Variants in BTBD9 observed in about 807,000 individuals in gnomAD.
BTBD9 encodes BTB domain containing 9.
In BTBD9, 49 loss-of-function variants were observed where a neutral mutation model predicts 64.3. The observed-to-expected ratio is 0.76, with a 90% CI of 0.61 to 0.97. BTBD9 has a LOEUF of 0.97. Among genes scored for constraint, BTBD9 ranks in the 50% least tolerant of loss-of-function variants. The probability of loss-of-function intolerance (pLI) is 0.00; values close to 1 mark genes in which losing one functional copy is unlikely to be tolerated. For missense variants in BTBD9, 598 were observed against 762.1 expected (o/e 0.78, Z 2.53); for synonymous variants, 260 against 274.7 (o/e 0.95, Z 0.53).
chr6:38,478,646 G>A (rs559093016), intron 6 of BTBD9, among the ~76,000 whole-genome samples: 2 of 152,274 alleles, frequency 1.3e-5, no homozygotes, highest in South Asian at 4.1e-4. Context: ...GTGGGTTCTT[G>A]GCTTCCGGAA....
At chr6:38,507,225 C>A (rs1294154130) in intron 6 of BTBD9, among the ~76,000 whole-genome samples, 1 of 152,194 alleles carries the variant, frequency 6.6e-6, no homozygotes, top group African/African-American at 2.4e-5. Flanking sequence ...ATTTGCTATT[C>A]TTTTATTGGG....
At position 38,320,263 on chromosome 6, in the gene BTBD9, A is replaced by AGGT. The variant is rs1763183214; in HGVS notation, c.1264+24718_1264+24720dup. 2.0e-5 allele frequency among the ~76,000 whole-genome samples: 3 copies of AGGT among 152,256 alleles called. No homozygotes were observed. In the South Asian group the frequency reaches 6.2e-4, roughly 32 times the overall value. Reference sequence around the variant, plus strand: ...CTCACCTGATTTTTCATTCTTACTAAGGTGCTTTTTTGGTAGACACTTGTC... The same window carrying AGGT: ...CTCACCTGATTTTTCATTCTTACTAAGGTGGTGCTTTTTTGGTAGACACTTGTC... On this transcript the variant is annotated intron_variant, in intron 7 of 10. Coordinates refer to ENST00000481247, the MANE Select transcript of BTBD9 (RefSeq NM_001099272.2).
At chr6:38,392,094 T>C (rs192301980) in intron 6 of BTBD9, among the ~76,000 whole-genome samples, 1 of 152,242 alleles carries the variant, frequency 6.6e-6, no homozygotes, top group East Asian at 1.9e-4. Context: ...AAGTCCAGAA[T>C]GGCAAATCCC....
chr6:38,433,366 C>G (rs914211150), intron 6 of BTBD9, among the ~76,000 whole-genome samples: 2 of 151,958 alleles, frequency 1.3e-5, no homozygotes, highest in African/African-American at 4.9e-5. Context: ...TGCACATATA[C>G]ATCCAGATGG....
chr6:38,519,437 C>T (rs537945767), intron 6 of BTBD9, among the ~76,000 whole-genome samples: 8 of 152,280 alleles, frequency 5.3e-5, no homozygotes, highest in African/African-American at 1.9e-4. Flanking sequence ...GATGCAGTGA[C>T]AGATGAAGAC....
chr6:38,477,811 T>C (rs1241713651), intron 6 of BTBD9, among the ~76,000 whole-genome samples: 1 of 152,186 alleles, frequency 6.6e-6, no homozygotes, highest in Non-Finnish European at 1.5e-5. Context: ...TAAGAATTAC[T>C]CACTTAACTC....
At chr6:38,232,178 C>T (rs1424718371) in intron 9 of BTBD9, among the ~76,000 whole-genome samples, 1 of 152,136 alleles carries the variant, frequency 6.6e-6, no homozygotes, top group Non-Finnish European at 1.5e-5. Context: ...GAGGGCCTTC[C>T]GACTGCACAG....
chr6:38,435,687 G>C (rs1029911786), intron 6 of BTBD9, among the ~76,000 whole-genome samples: 21 of 133,406 alleles, frequency 1.6e-4, no homozygotes, highest in African/African-American at 6.0e-4. Flanking sequence ...CTTTCTCTCT[G>C]AGACTGAGTC....
chr6:38,577,805 C>T (rs1406761310), intron 5 of BTBD9, 86 bp from the exon 6 acceptor site: 46 of 1,179,022 alleles, frequency 3.9e-5, no homozygotes, highest in Non-Finnish European at 5.1e-5. Context: ...TTAAAAGGTA[C>T]AAAAAATACA....
chr6:38,517,914 GCT>G (rs1773109477), intron 6 of BTBD9, among the ~76,000 whole-genome samples: 1 of 152,046 alleles, frequency 6.6e-6, no homozygotes, highest in African/African-American at 2.4e-5. Context: ...CTCACCTCAG[GCT>G]CTGTTTTCCA....
intron 6 of BTBD9, among the ~76,000 whole-genome samples, chr6:38,440,772 C>A (rs1017767785): frequency 6.6e-6 from 1 of 152,162 alleles, no homozygotes; most frequent in Non-Finnish European, 1.5e-5. Context: ...TTCTGTACCA[C>A]ATATACTAAT....
chr6:38,575,973 G>C (rs959984303), intron 6 of BTBD9, among the ~76,000 whole-genome samples: 2 of 152,166 alleles, frequency 1.3e-5, no homozygotes, highest in African/African-American at 4.8e-5. Flanking sequence ...AAAAGCCAGA[G>C]ATCATGATCA....
intron 6 of BTBD9, among the ~76,000 whole-genome samples, chr6:38,565,312 G>T (rs546290599): frequency 5.9e-4 from 90 of 152,230 alleles, no homozygotes; most frequent in Middle Eastern, 6.8e-3. Context: ...CCTGTGCATT[G>T]TAAGATGTTT....
intron 9 of BTBD9, among the ~76,000 whole-genome samples, chr6:38,213,708 G>A (rs1476063460): frequency 2.6e-5 from 4 of 152,310 alleles, no homozygotes; most frequent in African/African-American, 4.8e-5. Flanking sequence ...ATGGCTGGGC[G>A]TGGTGGCTCA....
intron 6 of BTBD9, among the ~76,000 whole-genome samples, chr6:38,386,128 C>T (rs1278385191): frequency 6.6e-6 from 1 of 152,020 alleles, no homozygotes; most frequent in Non-Finnish European, 1.5e-5. Flanking sequence ...TAATATTATT[C>T]GGTGAGAATA....
chr6:38,431,100 T>C (rs990959388), intron 6 of BTBD9, among the ~76,000 whole-genome samples: 1 of 151,858 alleles, frequency 6.6e-6, no homozygotes, highest in Non-Finnish European at 1.5e-5. Context: ...GTCTCTCTTC[T>C]CTTCTCTCCT....
intron 6 of BTBD9, among the ~76,000 whole-genome samples, chr6:38,356,280 A>C (rs1249374122): frequency 6.6e-6 from 1 of 152,040 alleles, no homozygotes; most frequent in Non-Finnish European, 1.5e-5. Flanking sequence ...AATTTTCTTG[A>C]ATTACTGTTA....
At chr6:38,309,860 T>A (rs936620705) in intron 7 of BTBD9, among the ~76,000 whole-genome samples, 5 of 152,118 alleles carry the variant, frequency 3.3e-5, no homozygotes, top group Non-Finnish European at 7.4e-5. Flanking sequence ...TTTCTAAAAG[T>A]AGTACTAACA....
At chr6:38,562,169 C>T (rs1474363595) in intron 6 of BTBD9, among the ~76,000 whole-genome samples, 3 of 152,180 alleles carry the variant, frequency 2.0e-5, no homozygotes, top group Admixed American at 1.3e-4. Flanking sequence ...GAAGATAGCA[C>T]AGGAAAATAG....
Sources: gnomAD v4.1 joint callset for allele counts (sites outside exome capture counted in the v4.1 genomes callset) on GRCh38, gnomAD v4.1.1 for gene constraint, MANE v1.5 for transcripts, NCBI Gene and HGNC (gene_info 2026-07-23, HGNC 2026-07-21) for gene names.